PLXNA2: variants seen among roughly 807,000 people sequenced by gnomAD.
The protein encoded by PLXNA2 is plexin-A2.
Under a neutral mutation model 193.5 loss-of-function variants are expected in PLXNA2, and 91 were observed. The observed-to-expected ratio is 0.47, with a 90% CI of 0.40 to 0.56. PLXNA2 has a LOEUF of 0.56. Among genes scored for constraint, PLXNA2 ranks in the 20% least tolerant of loss-of-function variants. The pLI is 0.00. For synonymous variants in PLXNA2, 997 were observed against 1,027.3 expected (o/e 0.97, Z 0.56); for missense variants, 1,995 against 2,503.2 (o/e 0.80, Z 4.33).
At chr1:208,111,654 C>T (rs1004053135) in intron 4 of PLXNA2, among the ~76,000 whole-genome samples, 16 of 152,174 alleles carry the variant, frequency 1.1e-4, no homozygotes, top group African/African-American at 3.9e-4. Context: ...CACCTCTGAG[C>T]CCACACTTTC....
At chr1:208,166,252 C>T (rs1167876919) in intron 3 of PLXNA2, among the ~76,000 whole-genome samples, 4 of 152,254 alleles carry the variant, frequency 2.6e-5, no homozygotes, top group Non-Finnish European at 4.4e-5. Flanking sequence ...CACACCTTCT[C>T]TCCGAGAGAT....
chr1:208,093,619 A>G (rs1463163718), intron 8 of PLXNA2, among the ~76,000 whole-genome samples: 1 of 152,234 alleles, frequency 6.6e-6, no homozygotes, highest in African/African-American at 2.4e-5. Context: ...TTGAGTGTTA[A>G]CAATTGGTTC....
intron 4 of PLXNA2, among the ~76,000 whole-genome samples, chr1:208,113,062 T>C (rs1667536714): frequency 6.9e-6 from 1 of 144,440 alleles, no homozygotes; most frequent in Non-Finnish European, 1.5e-5. Flanking sequence ...ATGACAACAG[T>C]GGATTTATTC....
intron 9 of PLXNA2, among the ~76,000 whole-genome samples, chr1:208,090,543 GGCT>G (rs1212306675): frequency 6.6e-6 from 1 of 152,052 alleles, no homozygotes; most frequent in African/African-American, 2.4e-5. Flanking sequence ...AGCCTGCAGG[GGCT>G]CAGCTCTCTG....
chr1:208,131,648 T>A (rs188689252), intron 4 of PLXNA2, among the ~76,000 whole-genome samples: 1 of 152,160 alleles, frequency 6.6e-6, no homozygotes, highest in East Asian at 1.9e-4. Context: ...TGAGCTGATA[T>A]GGGTTTGCAT....
At chr1:208,116,115 A>C (rs1667632195) in intron 4 of PLXNA2, among the ~76,000 whole-genome samples, 1 of 152,068 alleles carries the variant, frequency 6.6e-6, no homozygotes, top group Non-Finnish European at 1.5e-5. Context: ...TTGCTCATAC[A>C]TTCCTGCTAA....
At chr1:208,200,903 GCCT>G (rs1253737319) in intron 3 of PLXNA2, among the ~76,000 whole-genome samples, 4 of 152,136 alleles carry the variant, frequency 2.6e-5, no homozygotes, top group African/African-American at 9.7e-5. Context: ...ACCGCGCCTG[GCCT>G]CCAATCCTTC....
chr1:208,022,988 GA>G lies in PLXNA2; in HGVS notation c.*4254del, dbSNP rs1190100637. 1 of 152,148 alleles carries G rather than the reference GA, an allele frequency of 6.6e-6. No individual in the cohort carries two copies. The highest frequency in any genetic ancestry group is 1.5e-5 in the Non-Finnish European group (1 of 68,020). The allele number at this position is 152,148 out of a possible 1,614,324, so 9.4% of individuals were successfully genotyped here. A position where few individuals can be genotyped will look rare whatever the true frequency, so the allele number is the denominator to read the frequency against. ...TGAAACTTTATCCCTCATTCATGGG[GA>G]TCACTGAGCTCCAGATACTAAAACG... On this transcript the variant is annotated 3_prime_UTR_variant, in exon 32 of 32. Transcript: ENST00000367033.
intron 4 of PLXNA2, among the ~76,000 whole-genome samples, chr1:208,140,104 G>A (rs1446015397): frequency 6.6e-6 from 1 of 152,100 alleles, no homozygotes; most frequent in Non-Finnish European, 1.5e-5. Flanking sequence ...TCTGTTTGGT[G>A]TAGACTGTAA....
At chr1:208,153,351 G>A (rs1341286922) in intron 3 of PLXNA2, among the ~76,000 whole-genome samples, 1 of 152,172 alleles carries the variant, frequency 6.6e-6, no homozygotes, top group African/African-American at 2.4e-5. Context: ...CACAAAGCTG[G>A]TAGGCAAAAG....
intron 8 of PLXNA2, among the ~76,000 whole-genome samples, chr1:208,094,764 C>T (rs190780895): frequency 5.2e-4 from 79 of 152,322 alleles, no homozygotes; most frequent in Admixed American, 8.5e-4. Flanking sequence ...CTCAGCACAT[C>T]TATTTATTTG....
At chr1:208,215,638 G>T (rs1338507469) in intron 2 of PLXNA2, among the ~76,000 whole-genome samples, 1 of 151,882 alleles carries the variant, frequency 6.6e-6, no homozygotes, top group Admixed American at 6.6e-5. Flanking sequence ...ATGGATGATG[G>T]ATGGATGGAT....
At chr1:208,166,798 C>T (rs1036005904) in intron 3 of PLXNA2, among the ~76,000 whole-genome samples, 2 of 152,082 alleles carry the variant, frequency 1.3e-5, no homozygotes, top group African/African-American at 4.8e-5. Context: ...TGAAAGAAAC[C>T]TAGAAGGAAG....
At chr1:208,192,987 C>A (rs1306852835) in intron 3 of PLXNA2, among the ~76,000 whole-genome samples, 1 of 151,312 alleles carries the variant, frequency 6.6e-6, no homozygotes, top group Non-Finnish European at 1.5e-5. Flanking sequence ...AGCAATGGGC[C>A]CGCTACACAA....
chr1:208,221,929 T>C (rs1558253136), intron 1 of PLXNA2, among the ~76,000 whole-genome samples: 1 of 152,264 alleles, frequency 6.6e-6, no homozygotes, highest in Non-Finnish European at 1.5e-5. Context: ...TAACTATCTA[T>C]ATAAAATAGG....
intron 2 of PLXNA2, among the ~76,000 whole-genome samples, chr1:208,210,963 C>T (rs1670923608): frequency 2.0e-5 from 3 of 152,204 alleles, no homozygotes; most frequent in African/African-American, 7.2e-5. Flanking sequence ...GGCCATTCAA[C>T]TATCCAGTTG....
rs745645340 is a variant in PLXNA2 at position 208,038,997 on chromosome 1, G to A, written c.4501-13C>T. On this transcript the variant is annotated splice_polypyrimidine_tract_variant and intron_variant, in intron 24 of 31. Transcript: ENST00000367033. The surrounding 1 kb of genome is among the most constrained non-coding windows in gnomAD (Gnocchi z 4.1). The stretch of plus-strand genomic sequence containing the variant: ...CGCAGTTCAGGATCTACAAGTAGGG[G>A]ACAGAGGGTGAGCAGGACAGGAGTT... The A allele has an allele frequency of 7.4e-6, 12 of 1,612,072 alleles. No individual in the cohort carries two copies. Among genetic ancestry groups the A allele is most frequent in the African/African-American group, 2.7e-5 (2 of 74,890 alleles).
chr1:208,223,191 G>GAACTTT (rs1553300256), intron 1 of PLXNA2, among the ~76,000 whole-genome samples: 1 of 33,780 alleles, frequency 3.0e-5, no homozygotes, highest in African/African-American at 1.0e-4. Context: ...TTTAAAGCAG[G>GAACTTT]AGAATGCTGA....
At chr1:208,131,249 G>A (rs889420298) in intron 4 of PLXNA2, among the ~76,000 whole-genome samples, 3 of 152,124 alleles carry the variant, frequency 2.0e-5, no homozygotes, top group South Asian at 4.1e-4. Context: ...GCATGGTGCC[G>A]CTCTCGACAC....
Sources: gnomAD v4.1 joint callset for allele counts (sites outside exome capture counted in the v4.1 genomes callset) on GRCh38, gnomAD v4.1.1 for gene constraint, Gnocchi (gnomAD v3.1) non-coding constraint, MANE v1.5 for transcripts, NCBI Gene and HGNC (gene_info 2026-07-23, HGNC 2026-07-21) for gene names.